MARS1: variants seen among roughly 807,000 people sequenced by gnomAD.
MARS1 encodes the protein methionine--tRNA ligase, cytoplasmic.
In MARS1, 80 loss-of-function variants were observed where a neutral mutation model predicts 119.5. The ratio of observed to expected loss-of-function variants is 0.67; its 90% CI spans 0.56 to 0.81. MARS1 has a LOEUF of 0.81. Among genes scored for constraint, MARS1 ranks in the 30% least tolerant of loss-of-function variants. The pLI, the probability that MARS1 is intolerant of heterozygous loss-of-function variation, is 0.00. For synonymous variants in MARS1, 418 were observed against 433.4 expected, an observed-to-expected ratio of 0.96 and a Z score of 0.44; for missense variants, 945 against 1,116.5, an observed-to-expected ratio of 0.85 and a Z score of 2.19.
chr12:57,492,345 C>G, intron 7 of MARS1, among the ~76,000 whole-genome samples: 1 of 149,268 alleles, frequency 6.7e-6, no homozygotes, highest in East Asian at 2.0e-4. Context: ...TCAGAGGTGA[C>G]TAATTTAGAG....
rs144848106 is a variant in MARS1 at position 57,490,001 on chromosome 12, A to T, written c.490+30A>T. On this transcript the variant is annotated intron_variant, in intron 5 of 20. Coordinates refer to ENST00000262027, the MANE Select transcript of MARS1 (RefSeq NM_004990.4). ...GAACTGTGCATATCACTCCAACCCTAGGAGCTTGGTGTAGGGGTTACAGAA... is the reference window on the plus strand; with the variant it reads ...GAACTGTGCATATCACTCCAACCCTTGGAGCTTGGTGTAGGGGTTACAGAA... 5 of 1,601,116 alleles carry T rather than the reference A, an allele frequency of 3.1e-6. No individual in the cohort carries two copies. The African/African-American group carries it at 6.7e-5, about 21-fold the overall frequency.
In MARS1 at chr12:57,515,339, A is replaced by G. The variant is rs995030286; in HGVS notation, c.2391+3A>G. On this transcript the variant is annotated splice_donor_region_variant and intron_variant, in intron 18 of 20. Transcript: ENST00000262027. Reference sequence around the variant, plus strand: ...CAGCAGGACACCAGATTGGCACAGTAGGTGGAAGAGCCAGCCTCTCTTAAA... The same window carrying G: ...CAGCAGGACACCAGATTGGCACAGTGGGTGGAAGAGCCAGCCTCTCTTAAA... 7.4e-6 allele frequency: 12 copies of G among 1,611,420 alleles called. No individual in the cohort carries two copies. Among genetic ancestry groups the G allele is most frequent in the Admixed American group, 5.0e-5 (3 of 59,956 alleles).
chr12:57,500,053 A>C (rs377226195), intron 9 of MARS1: 89 of 435,140 alleles, frequency 2.0e-4, no homozygotes, highest in African/African-American at 1.6e-3. Context: ...TTGTTAATGA[A>C]AAATACAAAA....
intron 9 of MARS1, among the ~76,000 whole-genome samples, chr12:57,499,739 G>C (rs905570767): frequency 2.7e-5 from 4 of 150,772 alleles, no homozygotes; most frequent in African/African-American, 9.8e-5. Context: ...TCTCTACTAA[G>C]AATACAAAAA....
At position 57,515,297 on chromosome 12, in the gene MARS1, C is replaced by T. The variant is rs763208604; in HGVS notation, c.2352C>T (p.Asn784=). The change falls in exon 18 of 21, where the codon AAC becomes AAT. Residue 784 remains asparagine (N), a synonymous_variant. Transcript: ENST00000262027. ...CAGCCTGCAGTATCCTGCTGACAAA[C>T]TTCCTGTGTACCTTACCAGCAGGAC... ...PPPACSILLT[N]FLCTLPAGHQ... 3.0e-5 allele frequency: 48 copies of T among 1,613,742 alleles called. No homozygotes were observed. Among genetic ancestry groups the T allele is most frequent in the Middle Eastern group, 1.6e-4 (1 of 6,062 alleles).
intron 7 of MARS1, among the ~76,000 whole-genome samples, chr12:57,493,405 T>A (rs1426097389): frequency 3.2e-3 from 3 of 948 alleles, no homozygotes; most frequent in Non-Finnish European, 0.019. Flanking sequence ...ATAATATATG[T>A]TATATAATAT....
Position 57,489,808 on chromosome 12 carries a change from A to G in MARS1, c.415-88A>G, listed in dbSNP as rs192443533. ...GTGCTTAATACAGTGCTTGACATAT[A>G]AAGTGCTCAGTAAATGTTAGATATT... On this transcript the variant is annotated intron_variant, in intron 4 of 20. Coordinates refer to ENST00000262027, the MANE Select transcript of MARS1 (RefSeq NM_004990.4). 7 of 1,253,486 alleles carry G rather than the reference A, an allele frequency of 5.6e-6. No individual in the cohort carries two copies. In the African/African-American group the frequency reaches 8.8e-5, roughly 16 times the overall value. 77.6% of individuals were successfully genotyped at this position (1,253,486 alleles called of 1,614,324 possible).
chr12:57,502,930 G>A (rs902990012), intron 10 of MARS1, among the ~76,000 whole-genome samples: 1 of 151,918 alleles, frequency 6.6e-6, no homozygotes, highest in African/African-American at 2.4e-5. Flanking sequence ...GGAGGCCGAG[G>A]CTGGAGAATC....
At chr12:57,493,872 A>ATTTATGT (rs1876406462) in intron 7 of MARS1, among the ~76,000 whole-genome samples, 1 of 5,172 alleles carries the variant, frequency 1.9e-4, no homozygotes, top group Non-Finnish European at 9.1e-3. Context: ...ATTATATAAT[A>ATTTATGT]TATATAATAT....
At chr12:57,506,999 C>A (rs1298116810) in intron 11 of MARS1, among the ~76,000 whole-genome samples, 1 of 150,196 alleles carries the variant, frequency 6.7e-6, no homozygotes. Context: ...GACCCTGCGG[C>A]CTTCCGCAGT....
rs556158997 is a variant in MARS1, at chr12:57,511,937, C to T, written c.1539+69C>T. On this transcript the variant is annotated intron_variant, in intron 12 of 20. Coordinates refer to ENST00000262027, the MANE Select transcript of MARS1 (RefSeq NM_004990.4). ...AACCCTGGGCTAGCAGAGTAGACTG[C>T]TGATTATGTCTTGTTTCAGTTTGAG... is the stretch of plus-strand genomic sequence containing the variant. The T allele has an allele frequency of 1.6e-5, 25 of 1,604,378 alleles. No individual in the cohort carries two copies. The South Asian group carries it at 2.5e-4, about 16-fold the overall frequency.
rs7300617 is a variant in MARS1, at chr12:57,488,926, A to C, written c.110-93A>C. On this transcript the variant is annotated intron_variant, in intron 1 of 20. Coordinates refer to ENST00000262027, the MANE Select transcript of MARS1 (RefSeq NM_004990.4). ...TGAGACTGCCCATCTTTCTTTTTTT[A>C]CTCACTGAACAATGCAAGGTTATCC... is the stretch of plus-strand genomic sequence containing the variant. 1.1e-3 allele frequency: 1,127 copies of C among 1,016,558 alleles called. 8 individuals are homozygous for C. The African/African-American group carries it at 0.017, about 15-fold the overall frequency. The allele number at this position is 1,016,558 out of a possible 1,614,324, so 63.0% of individuals were successfully genotyped here. A position where few individuals can be genotyped will look rare whatever the true frequency, so the allele number is the denominator to read the frequency against.
chr12:57,489,885 C>G lies in MARS1; in HGVS notation c.415-11C>G, dbSNP rs1444285981. The G allele has an allele frequency of 6.2e-7, 1 of 1,612,516 alleles. No individual in the cohort carries two copies. Among genetic ancestry groups the G allele is most frequent in the Non-Finnish European group, 8.5e-7 (1 of 1,178,662 alleles). On this transcript the variant is annotated splice_polypyrimidine_tract_variant and intron_variant, in intron 4 of 20. Transcript: ENST00000262027. ...ATTTGTGTACATTTTCCTTTTCTAT[C>G]CCCAACAAAGGAGACAGAATCTCTA...
At chr12:57,508,456 G>A (rs1243901062) in intron 11 of MARS1, among the ~76,000 whole-genome samples, 1 of 152,236 alleles carries the variant, frequency 6.6e-6, no homozygotes, top group Non-Finnish European at 1.5e-5. Flanking sequence ...GTTAGGAGCT[G>A]GAGACCAGCC....
rs1172376139 is a variant in MARS1 at position 57,493,454 on chromosome 12, ATAT to A, written c.770+2814_770+2816del. On this transcript the variant is annotated intron_variant, in intron 7 of 20. Coordinates refer to ENST00000262027, the MANE Select transcript of MARS1 (RefSeq NM_004990.4). Reference sequence around the variant, plus strand: ...TATAATATATTACATAATATATAATATATTATAATATATAATATATAATATATA... The same window carrying A: ...TATAATATATTACATAATATATAATATATAATATATAATATATAATATATA... 3.6e-3 allele frequency among the ~76,000 whole-genome samples: 6 copies of A among 1,650 alleles called. 1 individual carries two copies. The highest frequency in any genetic ancestry group is 0.1 in the South Asian group (2 of 20). 1.1% of individuals were successfully genotyped at this position (1,650 alleles called of 152,430 possible). A position where few individuals can be genotyped will look rare whatever the true frequency, so the allele number is the denominator to read the frequency against.
chr12:57,510,409 G>C (rs1368282779), intron 11 of MARS1, among the ~76,000 whole-genome samples: 3 of 151,896 alleles, frequency 2.0e-5, no homozygotes, highest in Non-Finnish European at 1.5e-5. Flanking sequence ...AGGTGGGGAG[G>C]TTGCAGTGAG....
chr12:57,490,986 C>T (rs967887466), intron 7 of MARS1, among the ~76,000 whole-genome samples: 10 of 150,990 alleles, frequency 6.6e-5, no homozygotes, highest in African/African-American at 2.4e-4. Flanking sequence ...AAGCGAGTCT[C>T]CTGCCTTAGC....
At chr12:57,506,424 G>A (rs906439583) in intron 11 of MARS1, among the ~76,000 whole-genome samples, 3 of 152,164 alleles carry the variant, frequency 2.0e-5, no homozygotes, top group African/African-American at 7.2e-5. Flanking sequence ...GTGAGACCCT[G>A]TCTCAAAAAT....
At chr12:57,504,584 C>T (rs1877090366) in intron 11 of MARS1, among the ~76,000 whole-genome samples, 1 of 151,462 alleles carries the variant, frequency 6.6e-6, no homozygotes, top group Non-Finnish European at 1.5e-5. Flanking sequence ...TAGCTTCTCA[C>T]TCTGTCACCT....
Sources: gnomAD v4.1 joint callset for allele counts (sites outside exome capture counted in the v4.1 genomes callset) on GRCh38, gnomAD v4.1.1 for gene constraint, MANE v1.5 for transcripts, NCBI Gene and HGNC (gene_info 2026-07-23, HGNC 2026-07-21) for gene names.